ARL10: variants seen among roughly 807,000 people sequenced by gnomAD.
The protein encoded by ARL10 is ADP-ribosylation factor-like protein 10.
In ARL10, 23 loss-of-function variants were observed where a neutral mutation model predicts 26.1. That is an observed-to-expected ratio of 0.88 (90% CI 0.63 to 1.25). The LOEUF (loss-of-function observed/expected upper bound fraction) is 1.25, where lower values mean the gene tolerates loss of function less well. Among genes scored for constraint, ARL10 ranks in the 50% most tolerant of loss-of-function variants. ARL10 has a pLI of 0.00. For missense variants in ARL10, 300 were observed against 323.6 expected, an observed-to-expected ratio of 0.93 and a Z score of 0.56; for synonymous variants, 138 against 149.1, an observed-to-expected ratio of 0.93 and a Z score of 0.54.
Position 176,372,127 on chromosome 5 carries a change from A to G in ARL10, c.*232A>G. The stretch of plus-strand genomic sequence containing the variant: ...GGGTGAGACAGAGGGTGGGGAGGAT[A>G]GTGTCTGGCTCATTCCAGGCTGGAA... On this transcript the variant is annotated 3_prime_UTR_variant, in exon 4 of 4. Transcript: ENST00000310389. 7.3e-7 allele frequency: 1 copy of G among 1,370,010 alleles called. No individual in the cohort carries two copies. The highest frequency in any genetic ancestry group is 1.6e-5 in the South Asian group (1 of 63,196). 84.9% of individuals were successfully genotyped at this position (1,370,010 alleles called of 1,614,324 possible). A position where few individuals can be genotyped will look rare whatever the true frequency, so the allele number is the denominator to read the frequency against.
the ARL10 span, among the ~76,000 whole-genome samples, chr5:176,411,364 C>T: frequency 2.6e-5 from 4 of 152,142 alleles, no homozygotes; most frequent in African/African-American, 4.8e-5. Context: ...AAATCCACTT[C>T]CCATGGACCA....
rs988955884 is a variant in ARL10 at position 176,393,987 on chromosome 5, A to G, written c.134-7754A>G. On this transcript the variant is annotated intron_variant, in intron 1 of 1. Coordinates refer to the ARL10 transcript ENST00000514533. The surrounding 1 kb of genome is among the most constrained non-coding windows in gnomAD (Gnocchi z 4.4). Reference sequence around the variant, plus strand: ...ACATGACTGATGGCAGGAGCGCTCCATGGAAGAGCTGACCCCGGATCAGGT... The same window carrying G: ...ACATGACTGATGGCAGGAGCGCTCCGTGGAAGAGCTGACCCCGGATCAGGT... Among the ~76,000 whole-genome samples the G allele has an allele frequency of 3.9e-5, 6 of 152,188 alleles. No homozygotes were observed. The highest frequency in any genetic ancestry group is 1.4e-4 in the African/African-American group (6 of 41,444).
intron 1 of ARL10, among the ~76,000 whole-genome samples, chr5:176,387,137 G>T (rs2113593696): frequency 6.6e-6 from 1 of 151,032 alleles, no homozygotes; most frequent in South Asian, 2.1e-4. Context: ...AGGTTCAAAT[G>T]CAGTGGCACA....
At chr5:176,404,883 C>T (rs1373641340), downstream of ARL10, among the ~76,000 whole-genome samples, 1 of 152,232 alleles carries the variant, frequency 6.6e-6, no homozygotes, top group Non-Finnish European at 1.5e-5. Context: ...GAACCCCCTG[C>T]CAGTGTCCCC....
At position 176,375,187 on chromosome 5, in the gene ARL10, C is replaced by CCCATCCAT. The variant is rs568970450; in HGVS notation, c.*3304_*3311dup. On this transcript the variant is annotated 3_prime_UTR_variant, in exon 4 of 4. Coordinates refer to ENST00000310389, the MANE Select transcript of ARL10 (RefSeq NM_173664.6). ...ATCCACCCACCCACCCACCCATCCACCCATCCATCCATCCATCCACTCATC... is the reference window on the plus strand; with the variant it reads ...ATCCACCCACCCACCCACCCATCCACCCATCCATCCATCCATCCATCCATCCACTCATC... 6.5e-5 allele frequency: 3 copies of CCCATCCAT among 45,896 alleles called. No individual in the cohort carries two copies. The highest frequency in any genetic ancestry group is 1.7e-3 in the East Asian group (2 of 1,192). The allele number at this position is 45,896 out of a possible 1,614,324, so 2.8% of individuals were successfully genotyped here.
chr5:176,409,124 G>A, the ARL10 span, among the ~76,000 whole-genome samples: 1 of 151,778 alleles, frequency 6.6e-6, no homozygotes, highest in Non-Finnish European at 1.5e-5. Flanking sequence ...TTATAGGCTT[G>A]TGCCACCACA....
downstream of ARL10, chr5:176,392,612 A>G: frequency 2.8e-6 from 2 of 708,516 alleles, no homozygotes; most frequent in Non-Finnish European, 4.7e-6. The surrounding 1 kb of genome is among the most constrained non-coding windows in gnomAD (Gnocchi z 5.2). Flanking sequence ...GGAGGGAGCG[A>G]GGCGTGATGG....
At chr5:176,389,143 A>C (rs1312102649), downstream of ARL10, among the ~76,000 whole-genome samples, 2 of 151,430 alleles carry the variant, frequency 1.3e-5, no homozygotes, top group Non-Finnish European at 2.9e-5. Flanking sequence ...CAGCGGGTTT[A>C]GGGGGCGGGA....
intron 3 of ARL10, 21 bp downstream of exon 3, chr5:176,369,003 G>A: frequency 6.2e-7 from 1 of 1,612,640 alleles, no homozygotes; most frequent in Non-Finnish European, 8.5e-7. Flanking sequence ...TGAGAGGGCA[G>A]CTCGGTCCAG....
intron 3 of ARL10, among the ~76,000 whole-genome samples, chr5:176,371,100 C>T (rs528752537): frequency 5.3e-4 from 81 of 152,290 alleles, no homozygotes; most frequent in African/African-American, 8.7e-4. Flanking sequence ...TCTAGCCGGG[C>T]GTGGTGGCTC....
At chr5:176,394,286 G>A (rs77213819) in intron 1 of ARL10, among the ~76,000 whole-genome samples, 1,687 of 152,344 alleles carry the variant, frequency 0.011, 45 homozygotes, top group African/African-American at 0.038. Context: ...TGACGACAGA[G>A]CCTGTCAGAA....
chr5:176,389,351 G>C (rs762897200), downstream of ARL10: 9 of 1,613,504 alleles, frequency 5.6e-6, no homozygotes, highest in Non-Finnish European at 6.8e-6. Context: ...CACGGCGGCC[G>C]CCCTCACCTA....
chr5:176,398,660 C>T (rs974971908), intron 1 of ARL10, among the ~76,000 whole-genome samples: 6 of 151,014 alleles, frequency 4.0e-5, no homozygotes, highest in Non-Finnish European at 8.9e-5. Flanking sequence ...TGCAGTGAGC[C>T]GAGATCACAC....
At chr5:176,388,139 A>T in intron 1 of ARL10, 1 of 912,318 alleles carries the variant, frequency 1.1e-6, no homozygotes. Context: ...GAAGGGCCTG[A>T]GGGAAGGAAT....
the ARL10 span, chr5:176,407,594 G>C: frequency 6.6e-6 from 1 of 152,350 alleles, no homozygotes; most frequent in African/African-American, 2.4e-5. Flanking sequence ...GAGCCACTGT[G>C]CCCGGCCATG....
the ARL10 span, among the ~76,000 whole-genome samples, chr5:176,414,810 A>T: frequency 6.6e-6 from 1 of 152,142 alleles, no homozygotes; most frequent in Non-Finnish European, 1.5e-5. Flanking sequence ...TACATTTCTC[A>T]TATCAAGGAG....
chr5:176,394,242 A>G (rs1756385907), intron 1 of ARL10, among the ~76,000 whole-genome samples: 1 of 152,242 alleles, frequency 6.6e-6, no homozygotes, highest in Non-Finnish European at 1.5e-5. Flanking sequence ...CTGTCCTTGC[A>G]GCTCAAAGCG....
downstream of ARL10, chr5:176,389,023 G>C (rs767376978): frequency 1.2e-6 from 2 of 1,603,604 alleles, 1 homozygote; most frequent in East Asian, 4.5e-5. Flanking sequence ...TGATGTCGGA[G>C]GGAAGGAAGT....
At chr5:176,384,419 G>C, downstream of ARL10, 1 of 1,568,882 alleles carries the variant, frequency 6.4e-7, no homozygotes, top group African/African-American at 1.4e-5. Context: ...ACAGGCAAAG[G>C]CTCAAATCTG....
Sources: gnomAD v4.1 joint callset for allele counts (sites outside exome capture counted in the v4.1 genomes callset) on GRCh38, gnomAD v4.1.1 for gene constraint, Gnocchi (gnomAD v3.1) non-coding constraint, MANE v1.5 for transcripts, NCBI Gene and HGNC (gene_info 2026-07-23, HGNC 2026-07-21) for gene names.